The following FAM149A variants were observed in gnomAD, a reference collection of about 807,000 sequenced individuals.
FAM149A encodes the protein family with sequence similarity 149 member A.
Under a neutral mutation model 78.2 loss-of-function variants are expected in FAM149A, and 71 were observed. That is an observed-to-expected ratio of 0.91 (90% CI 0.75 to 1.11). FAM149A has a LOEUF of 1.11. Among genes scored for constraint, FAM149A ranks in the 50% least tolerant of loss-of-function variants. FAM149A has a pLI of 0.00. For synonymous variants in FAM149A, 446 were observed against 410.5 expected, an observed-to-expected ratio of 1.09 and a Z score of -1.04; for missense variants, 1,036 against 971.0, an observed-to-expected ratio of 1.07 and a Z score of -0.89.
Position 186,163,414 on chromosome 4 carries a change from T to G in FAM149A, c.1680-10T>G, listed in dbSNP as rs373133671. The G allele has an allele frequency of 1.9e-6, 3 of 1,611,522 alleles. No individual in the cohort carries two copies. In the African/African-American group the frequency reaches 4.0e-5, roughly 22 times the overall value. On this transcript the variant is annotated splice_polypyrimidine_tract_variant and intron_variant, in intron 9 of 13. Transcript: ENST00000389354. ...TCGCAGCTGAGTAGCTCACAGGATT[T>G]CCTTCCCAGGAATGAGAAGGAGGAC... is the stretch of plus-strand genomic sequence containing the variant.
intron 8 of FAM149A, chr4:186,158,823 A>G: frequency 1.0e-6 from 1 of 1,003,858 alleles, no homozygotes. Context: ...CTGAATGAGG[A>G]GGATCAACCA....
At chr4:186,146,631 CAGG>C (rs1274624244) in intron 1 of FAM149A, 4 of 732,642 alleles carry the variant, frequency 5.5e-6, no homozygotes, top group Non-Finnish European at 1.7e-6. Context: ...TGCACAAAAG[CAGG>C]AGGAGGAGCT....
Position 186,122,109 on chromosome 4 carries a change from CA to C in FAM149A, c.566+16469del, listed in dbSNP as rs2099316328. 2.6e-5 allele frequency among the ~76,000 whole-genome samples: 4 copies of C among 152,078 alleles called. No homozygotes were observed. In the South Asian group the frequency reaches 8.3e-4, roughly 32 times the overall value. On this transcript the variant is annotated intron_variant, in intron 1 of 13. Coordinates refer to ENST00000389354, the MANE Select transcript of FAM149A (RefSeq NM_001367768.3). ...TTATATTAAGTGAGAAAATTGCTGA[CA>C]ACATATAGATAAAGATGTTATGAAG...
In FAM149A at chr4:186,104,845, A is replaced by T; in HGVS notation, c.-232A>T. Reference sequence around the variant, plus strand: ...TCGGGGGTCTCACGGCGCTGGGACGAGGCGGGGCTGCTCTCCGCAGCCGGG... The same window carrying T: ...TCGGGGGTCTCACGGCGCTGGGACGTGGCGGGGCTGCTCTCCGCAGCCGGG... On this transcript the variant is annotated 5_prime_UTR_variant, in exon 1 of 14. Coordinates refer to ENST00000389354, the MANE Select transcript of FAM149A (RefSeq NM_001367768.3). 1.8e-6 allele frequency: 1 copy of T among 566,628 alleles called. No individual in the cohort carries two copies. Among genetic ancestry groups the T allele is most frequent in the Non-Finnish European group, 2.2e-6 (1 of 447,916 alleles). 35.1% of individuals were successfully genotyped at this position (566,628 alleles called of 1,614,324 possible). A position where few individuals can be genotyped will look rare whatever the true frequency, so the allele number is the denominator to read the frequency against.
At position 186,122,935 on chromosome 4, in the gene FAM149A, C is replaced by CT. The variant is rs553359811; in HGVS notation, c.566+17296dup. On this transcript the variant is annotated intron_variant, in intron 1 of 13. Transcript: ENST00000389354. ...TCTTGAAAGCATCTGGTAATGGTGA[C>CT]TTTCTTTTATAGAATTTCAAGCCTT... is the stretch of plus-strand genomic sequence containing the variant. The CT allele has an allele frequency of 1.8e-4, 37 of 204,276 alleles. 1 individual carries two copies. The East Asian group carries it at 5.4e-3, about 30-fold the overall frequency. 12.7% of individuals were successfully genotyped at this position (204,276 alleles called of 1,614,324 possible).
rs973153542 is a variant in FAM149A, at chr4:186,113,744, C to T, written c.566+8102C>T. On this transcript the variant is annotated intron_variant, in intron 1 of 13. Transcript: ENST00000389354. Reference sequence around the variant, plus strand: ...AATCCTGAGTTCTAGTTTGATTGCACTGTGATCTGAGAGATAGTTTGTTAT... The same window carrying T: ...AATCCTGAGTTCTAGTTTGATTGCATTGTGATCTGAGAGATAGTTTGTTAT... Among the ~76,000 whole-genome samples, 1,387 of 151,248 alleles carry T rather than the reference C, an allele frequency of 9.2e-3. 24 individuals carry two copies. The highest frequency in any genetic ancestry group is 0.032 in the African/African-American group (1,302 of 41,074).
At chr4:186,108,355 T>A (rs1427812559) in intron 1 of FAM149A, among the ~76,000 whole-genome samples, 1 of 152,114 alleles carries the variant, frequency 6.6e-6, no homozygotes, top group Non-Finnish European at 1.5e-5. Context: ...ATTAGCAGTT[T>A]GTACTTTTTT....
chr4:186,111,132 T>A (rs1289905210), intron 1 of FAM149A, among the ~76,000 whole-genome samples: 3 of 144,798 alleles, frequency 2.1e-5, no homozygotes, highest in East Asian at 4.0e-4. Flanking sequence ...GATTTGCATT[T>A]CTCTGATGGC....
intron 8 of FAM149A, chr4:186,158,671 G>A: frequency 9.2e-7 from 1 of 1,089,648 alleles, no homozygotes; most frequent in Non-Finnish European, 1.1e-6. Context: ...CCCAGCCCCT[G>A]CACGCACTGC....
intron 1 of FAM149A, among the ~76,000 whole-genome samples, chr4:186,118,484 T>C (rs752455530): frequency 6.6e-6 from 1 of 152,242 alleles, no homozygotes; most frequent in Admixed American, 6.5e-5. Context: ...TTTTATCATT[T>C]TATTTTTTGA....
rs1234794592 is a variant in FAM149A, at chr4:186,164,642, G to A, written c.1890-702G>A. ...GCCTCGCTTCCCCCCATGCCAGTCA[G>A]CAGCACACGGTGCCAGTCAGCAACA... On this transcript the variant is annotated intron_variant, in intron 10 of 13. Coordinates refer to ENST00000389354, the MANE Select transcript of FAM149A (RefSeq NM_001367768.3). This position sits in a 1 kb window ranked among gnomAD's most constrained non-coding sequence, Gnocchi z 4.0. 1.6e-5 allele frequency: 4 copies of A among 245,756 alleles called. No individual in the cohort carries two copies. In the East Asian group the frequency reaches 7.2e-4, roughly 44 times the overall value. The allele number at this position is 245,756 out of a possible 1,614,324, so 15.2% of individuals were successfully genotyped here.
intron 8 of FAM149A, among the ~76,000 whole-genome samples, chr4:186,159,933 C>A (rs977330957): frequency 8.7e-5 from 13 of 150,132 alleles, no homozygotes; most frequent in African/African-American, 3.2e-4. Context: ...ACACACACAC[C>A]ACACACAGAC....
intron 1 of FAM149A, chr4:186,116,791 G>A: frequency 3.1e-6 from 3 of 980,574 alleles, no homozygotes; most frequent in Non-Finnish European, 3.6e-6. Context: ...TTTTTGCTGT[G>A]TGTTTAAAGA....
chr4:186,150,395 T>TTCTCTC (rs1228516202), intron 3 of FAM149A, among the ~76,000 whole-genome samples: 2 of 125,438 alleles, frequency 1.6e-5, no homozygotes, highest in Non-Finnish European at 3.1e-5. Flanking sequence ...CTTGCTTGCT[T>TTCTCTC]TCTCTCTCTC....
chr4:186,151,503 G>T (rs956821807), intron 3 of FAM149A, among the ~76,000 whole-genome samples: 2 of 152,006 alleles, frequency 1.3e-5, no homozygotes, highest in South Asian at 4.1e-4. Flanking sequence ...CTTGTATTTT[G>T]CAGGTGTGCT....
chr4:186,136,964 T>TTCTCTTTCTCTCTCTCTCTC (rs2099323216), intron 1 of FAM149A, among the ~76,000 whole-genome samples: 36 of 97,106 alleles, frequency 3.7e-4, no homozygotes, highest in African/African-American at 1.6e-3. Flanking sequence ...CTCTCTCTCT[T>TTCTCTTTCTCTCTCTCTCTC]TCTCTCTCTC....
At chr4:186,127,013 C>G (rs2099318599) in intron 1 of FAM149A, 1 of 985,376 alleles carries the variant, frequency 1.0e-6, no homozygotes, top group Non-Finnish European at 1.2e-6. Context: ...AATGGTAGAG[C>G]TGTCGCGTAT....
At chr4:186,130,293 CTATA>C (rs1554068050) in intron 1 of FAM149A, 1 of 46,592 alleles carries the variant, frequency 2.1e-5, no homozygotes, top group Non-Finnish European at 3.9e-5. Flanking sequence ...CTCTCTCTCT[CTATA>C]TATATATATA....
At chr4:186,154,148 G>C (rs1042380409) in intron 5 of FAM149A, among the ~76,000 whole-genome samples, 1 of 152,176 alleles carries the variant, frequency 6.6e-6, no homozygotes, top group African/African-American at 2.4e-5. Context: ...TGTCGTTTCT[G>C]TTCACTAGCA....
Sources: allele counts gnomAD v4.1 joint callset (sites outside exome capture counted in the v4.1 genomes callset), GRCh38; gene constraint gnomAD v4.1.1; non-coding constraint Gnocchi (gnomAD v3.1); transcripts MANE v1.5; gene names NCBI Gene and HGNC (gene_info 2026-07-23, HGNC 2026-07-21).